The following FAF2 variants were observed in gnomAD, a reference collection of about 807,000 sequenced individuals.
FAF2 encodes FAS-associated factor 2.
FAF2 carries 9 observed loss-of-function variants against 62.3 expected under a neutral mutation model. The ratio of observed to expected loss-of-function variants is 0.14; its 90% CI spans 0.09 to 0.25. FAF2 has a LOEUF of 0.25. Among genes scored for constraint, FAF2 ranks in the 10% least tolerant of loss-of-function variants. The pLI is 1.00. For synonymous variants in FAF2, 202 were observed against 198.0 expected (o/e 1.02, Z -0.17); for missense variants, 368 against 556.2 (o/e 0.66, Z 3.40).
intron 1 of FAF2, among the ~76,000 whole-genome samples, chr5:176,460,552 GTA>G (rs1554131470): frequency 1.2e-4 from 17 of 146,608 alleles, no homozygotes; most frequent in East Asian, 9.9e-4. Flanking sequence ...GTGTGTGTGT[GTA>G]TTTTTTTTTT....
rs562926414 is a variant in FAF2 at position 176,484,220 on chromosome 5, C to A, written c.133-2135C>A. ...ATGCATGAAGTATAGTAGCCCCCTC[C>A]ACCCACAGTTTCACATTCTGTGGTT... On this transcript the variant is annotated intron_variant, in intron 2 of 10. Transcript: ENST00000261942. Among the ~76,000 whole-genome samples the A allele has an allele frequency of 3.3e-5, 5 of 152,312 alleles. No homozygotes were observed. In the South Asian group the frequency reaches 1.0e-3, roughly 32 times the overall value.
rs959531319 is a variant in FAF2 at position 176,479,090 on chromosome 5, T to A, written c.64-98T>A. ...CATACTTTAACACTCACTTTTAACA[T>A]TTTTTAGTGTATTTTCCTAGCAGTA... On this transcript the variant is annotated intron_variant, in intron 1 of 10. Transcript: ENST00000261942. 12 of 948,052 alleles carry A rather than the reference T, an allele frequency of 1.3e-5. No homozygotes were observed. In the African/African-American group the frequency reaches 1.8e-4, roughly 14 times the overall value. 58.7% of individuals were successfully genotyped at this position (948,052 alleles called of 1,614,324 possible). A position where few individuals can be genotyped will look rare whatever the true frequency, so the allele number is the denominator to read the frequency against.
At chr5:176,481,604 C>G (rs950654999) in intron 2 of FAF2, among the ~76,000 whole-genome samples, 1 of 151,818 alleles carries the variant, frequency 6.6e-6, no homozygotes, top group African/African-American at 2.4e-5. Context: ...TTGCAGTGAG[C>G]TGAGAACATG....
chr5:176,470,413 A>G (rs977548777), intron 1 of FAF2, among the ~76,000 whole-genome samples: 4 of 152,240 alleles, frequency 2.6e-5, no homozygotes, highest in Non-Finnish European at 5.9e-5. Flanking sequence ...CCCGGTGTGC[A>G]CTAAAAATGC....
In FAF2 at chr5:176,479,203, G is replaced by A; in HGVS notation, c.79G>A (p.Glu27Lys). The change falls in exon 2 of 11, where the codon GAA becomes AAA. Residue 27 changes from glutamate (E) to lysine (K), a missense_variant. Transcript: ENST00000261942. ...LLQFQDLTGIESMDQCRHTLE... is the reference protein window; with the variant it reads ...LLQFQDLTGIKSMDQCRHTLE... ...TTCTTTTCAGGATCTCACTGGCATC[G>A]AATCTATGGATCAGTGTCGCCATAC... 2 of 1,613,822 alleles carry A rather than the reference G, an allele frequency of 1.2e-6. No individual in the cohort carries two copies. The highest frequency in any genetic ancestry group is 1.7e-6 in the Non-Finnish European group (2 of 1,179,856).
chr5:176,473,223 C>A (rs1193057275), intron 1 of FAF2, among the ~76,000 whole-genome samples: 8 of 152,172 alleles, frequency 5.3e-5, no homozygotes, highest in African/African-American at 1.9e-4. Flanking sequence ...TTCCTCTGGG[C>A]TGTGACAGTT....
At chr5:176,479,336 G>A in intron 2 of FAF2, 80 bp downstream of exon 2, 4 of 1,150,016 alleles carry the variant, frequency 3.5e-6, no homozygotes, top group East Asian at 2.4e-5. Flanking sequence ...TTCCATAGCA[G>A]GAATCTTTTC....
At position 176,489,101 on chromosome 5, in the gene FAF2, T is replaced by C. The variant is rs1581070673; in HGVS notation, c.344+74T>C. ...CTGAAATTTAGGCCAAAATAAGCTT[T>C]ATGCTCTATCAATGTTGACTTACCA... On this transcript the variant is annotated intron_variant, in intron 4 of 10. Transcript: ENST00000261942. 2.6e-6 allele frequency: 3 copies of C among 1,134,444 alleles called. No homozygotes were observed. The East Asian group carries it at 7.1e-5, about 27-fold the overall frequency. The allele number at this position is 1,134,444 out of a possible 1,614,324, so 70.3% of individuals were successfully genotyped here.
intron 10 of FAF2, among the ~76,000 whole-genome samples, chr5:176,505,424 A>T (rs1303488929): frequency 2.0e-5 from 3 of 152,200 alleles, no homozygotes; most frequent in Non-Finnish European, 4.4e-5. Context: ...GGGCATTCCC[A>T]CAGACAGGAG....
At chr5:176,468,009 AC>A (rs983157222) in intron 1 of FAF2, among the ~76,000 whole-genome samples, 9 of 152,142 alleles carry the variant, frequency 5.9e-5, no homozygotes, top group African/African-American at 2.2e-4. Flanking sequence ...TATTAAAAAT[AC>A]AAAAATTAAT....
intron 1 of FAF2, among the ~76,000 whole-genome samples, chr5:176,476,404 C>A (rs539295567): frequency 6.6e-6 from 1 of 152,140 alleles, no homozygotes; most frequent in South Asian, 2.1e-4. Flanking sequence ...GATTCTTCTA[C>A]GATTTAAGCC....
chr5:176,503,899 T>A (rs1755635071), intron 10 of FAF2, among the ~76,000 whole-genome samples: 1 of 152,150 alleles, frequency 6.6e-6, no homozygotes, highest in Non-Finnish European at 1.5e-5. Flanking sequence ...CGGTGGCTCA[T>A]GCCTGTAATA....
chr5:176,454,157 C>T (rs961278911), intron 1 of FAF2, among the ~76,000 whole-genome samples: 1 of 151,310 alleles, frequency 6.6e-6, no homozygotes, highest in Non-Finnish European at 1.5e-5. Flanking sequence ...CTTTGGGAGG[C>T]CGAGGCAGGC....
chr5:176,481,779 A>T (rs1304629793), intron 2 of FAF2, among the ~76,000 whole-genome samples: 2 of 152,116 alleles, frequency 1.3e-5, no homozygotes, highest in African/African-American at 4.8e-5. Context: ...CCTCAGCTTC[A>T]AGTAGATGGG....
At chr5:176,493,008 T>G (rs1241551543) in intron 5 of FAF2, among the ~76,000 whole-genome samples, 1 of 152,128 alleles carries the variant, frequency 6.6e-6, no homozygotes, top group Non-Finnish European at 1.5e-5. Context: ...ACCTCACCAT[T>G]CAGGGGAGGA....
At chr5:176,475,547 C>T (rs966125449) in intron 1 of FAF2, among the ~76,000 whole-genome samples, 3 of 152,128 alleles carry the variant, frequency 2.0e-5, no homozygotes, top group Non-Finnish European at 4.4e-5. Context: ...GAGGCCGAGG[C>T]GGGTGGATCA....
Position 176,494,224 on chromosome 5 carries a change from A to G in FAF2, c.610A>G (p.Thr204Ala), listed in dbSNP as rs1759022982. Residue 204 changes from threonine (T) to alanine (A), a missense_variant, in exon 7 of 11, where the codon ACT becomes GCT. By Grantham distance (58) the Thr-to-Ala change is moderately conservative. Transcript: ENST00000261942. This position sits in a 1 kb window ranked among gnomAD's most constrained non-coding sequence, Gnocchi z 4.0. ...ACCTGAAGTTATTTCACTAATAAAC[A>G]CTAGGATGCTCTTCTGGGCATGCTC... ...CAPEVISLIN[T>A]RMLFWACSTN... is the part of the protein sequence containing the mutation. The G allele has an allele frequency of 6.2e-7, 1 of 1,614,108 alleles. No homozygotes were observed. Among genetic ancestry groups the G allele is most frequent in the African/African-American group, 1.3e-5 (1 of 75,052 alleles).
At chr5:176,462,566 G>A (rs1758397070) in intron 1 of FAF2, among the ~76,000 whole-genome samples, 1 of 151,210 alleles carries the variant, frequency 6.6e-6, no homozygotes, top group South Asian at 2.1e-4. Context: ...GGAGGTTGCA[G>A]TGAGCCGAGA....
intron 5 of FAF2, 148 bp downstream of exon 5, chr5:176,492,480 C>A (rs1758990151): frequency 3.4e-6 from 3 of 873,476 alleles, no homozygotes; most frequent in Middle Eastern, 3.0e-4. Flanking sequence ...ATAAAAAAGA[C>A]CAAACCTTTT....
Sources: allele counts gnomAD v4.1 joint callset (sites outside exome capture counted in the v4.1 genomes callset), GRCh38; gene constraint gnomAD v4.1.1; non-coding constraint Gnocchi (gnomAD v3.1); transcripts MANE v1.5; gene names NCBI Gene and HGNC (gene_info 2026-07-23, HGNC 2026-07-21).